Variants in CATSPER3 observed in about 807,000 individuals in gnomAD.
CATSPER3 encodes cation channel sperm associated 3.
CATSPER3 carries 23 observed loss-of-function variants against 36.6 expected under a neutral mutation model. That is an observed-to-expected ratio of 0.63 (90% confidence interval 0.45 to 0.89). CATSPER3 has a LOEUF of 0.89. CATSPER3 is among the 40% of genes least tolerant of loss of function. The pLI is 0.00. For missense variants in CATSPER3, 474 were observed against 503.9 expected (o/e 0.94, Z 0.57); for synonymous variants, 172 against 184.1 (o/e 0.93, Z 0.53).
At chr5:134,977,897 TGAGA>T (rs1204319007) in intron 2 of CATSPER3, among the ~76,000 whole-genome samples, 1 of 152,016 alleles carries the variant, frequency 6.6e-6, no homozygotes, top group African/African-American at 2.4e-5. Flanking sequence ...TGTCACATGG[TGAGA>T]GAGAGAGCAA....
At chr5:134,972,338 A>G (rs1389767482) in intron 2 of CATSPER3, among the ~76,000 whole-genome samples, 3 of 152,334 alleles carry the variant, frequency 2.0e-5, no homozygotes, top group South Asian at 4.1e-4. Context: ...TAACCCGTAG[A>G]TAATGAAAGC....
intron 3 of CATSPER3, 78 bp downstream of exon 3, chr5:134,996,590 T>G (rs1751953246): frequency 6.9e-7 from 1 of 1,447,168 alleles, no homozygotes; most frequent in East Asian, 2.3e-5. Context: ...AAGGAAATAA[T>G]GACTCTACTA....
At chr5:134,992,431 A>G (rs1751889623) in intron 2 of CATSPER3, among the ~76,000 whole-genome samples, 1 of 152,214 alleles carries the variant, frequency 6.6e-6, no homozygotes, top group Non-Finnish European at 1.5e-5. Context: ...TATTAAAAAA[A>G]ACAAAAAATG....
intron 2 of CATSPER3, among the ~76,000 whole-genome samples, chr5:134,988,466 C>A (rs529055962): frequency 6.6e-6 from 1 of 152,374 alleles, no homozygotes; most frequent in African/African-American, 2.4e-5. Flanking sequence ...CTCTCAAACC[C>A]TGCCACTGCT....
rs1340654846 is a variant in CATSPER3, at chr5:134,967,933, T to C, written c.-59T>C. On this transcript the variant is annotated 5_prime_UTR_variant, in exon 1 of 8. Coordinates refer to ENST00000282611, the MANE Select transcript of CATSPER3 (RefSeq NM_178019.3). The stretch of plus-strand genomic sequence containing the variant: ...GAATCCAGACGCTAAGGAAAATCCC[T>C]AAGCAGAGATTTTCTGTTGGATGCT... 6.1e-6 allele frequency: 8 copies of C among 1,315,834 alleles called. No homozygotes were observed. The highest frequency in any genetic ancestry group is 8.8e-6 in the Non-Finnish European group (8 of 909,982). The allele number at this position is 1,315,834 out of a possible 1,614,324, so 81.5% of individuals were successfully genotyped here. A position where few individuals can be genotyped will look rare whatever the true frequency, so the allele number is the denominator to read the frequency against.
intron 2 of CATSPER3, among the ~76,000 whole-genome samples, chr5:134,978,674 C>G (rs1008114977): frequency 6.6e-6 from 1 of 151,304 alleles, no homozygotes; most frequent in African/African-American, 2.4e-5. Context: ...ATAAAACTGT[C>G]TTTGTTCACA....
chr5:134,979,624 G>T (rs1017653419), intron 2 of CATSPER3, among the ~76,000 whole-genome samples: 2 of 152,190 alleles, frequency 1.3e-5, no homozygotes, highest in Non-Finnish European at 2.9e-5. Flanking sequence ...AAAAGTTAAA[G>T]CAAACAACGG....
At chr5:134,983,466 G>A (rs1170277210) in intron 2 of CATSPER3, among the ~76,000 whole-genome samples, 4 of 152,088 alleles carry the variant, frequency 2.6e-5, no homozygotes, top group East Asian at 1.9e-4. Flanking sequence ...ACTCGGTGGC[G>A]GAGGTTGCAG....
rs377443440 is a variant in CATSPER3, at chr5:134,968,107, C to A, written c.98+18C>A. On this transcript the variant is annotated intron_variant, in intron 1 of 7. Coordinates refer to ENST00000282611, the MANE Select transcript of CATSPER3 (RefSeq NM_178019.3). The stretch of plus-strand genomic sequence containing the variant: ...AAATTTAAGTAAATATTATCTATCT[C>A]CATTGCCTGTTAAGAAATGTGCTAG... 11 of 1,526,174 alleles carry A rather than the reference C, an allele frequency of 7.2e-6. No individual in the cohort carries two copies. Among genetic ancestry groups the A allele is most frequent in the East Asian group, 2.2e-5 (1 of 44,464 alleles). The allele number at this position is 1,526,174 out of a possible 1,614,324, so 94.5% of individuals were successfully genotyped here.
chr5:134,980,007 A>C (rs1751730936), intron 2 of CATSPER3, among the ~76,000 whole-genome samples: 1 of 123,976 alleles, frequency 8.1e-6, no homozygotes, highest in African/African-American at 2.7e-5. Context: ...TTTGAGACAA[A>C]GTCTTACTCT....
Position 135,009,363 on chromosome 5 carries a change from C to T in CATSPER3, c.817-8C>T, listed in dbSNP as rs753699833. The T allele has an allele frequency of 6.2e-7, 1 of 1,613,142 alleles. No individual in the cohort carries two copies. ...CCTGTAGTTGACCTCCATCGTCTGA[C>T]TCTCTAGGACTCCATCAGAAAGTTT... is the stretch of plus-strand genomic sequence containing the variant. On this transcript the variant is annotated splice_polypyrimidine_tract_variant and splice_region_variant and intron_variant, in intron 5 of 7. Coordinates refer to ENST00000282611, the MANE Select transcript of CATSPER3 (RefSeq NM_178019.3).
rs185277125 is a variant in CATSPER3, at chr5:134,981,458, C to T, written c.252+11366C>T. ...TTGAGATTGTGCCACTGCACTCTAG[C>T]CTGGGTGACAGAGTGAGACTCTGTC... is the stretch of plus-strand genomic sequence containing the variant. On this transcript the variant is annotated intron_variant, in intron 2 of 7. Coordinates refer to ENST00000282611, the MANE Select transcript of CATSPER3 (RefSeq NM_178019.3). Among the ~76,000 whole-genome samples the T allele has an allele frequency of 5.1e-3, 773 of 152,172 alleles. 5 individuals carry two copies. Among genetic ancestry groups the T allele is most frequent in the African/African-American group, 0.018 (738 of 41,486 alleles).
At chr5:135,003,617 A>G (rs1041571732) in intron 3 of CATSPER3, among the ~76,000 whole-genome samples, 1 of 152,186 alleles carries the variant, frequency 6.6e-6, no homozygotes, top group African/African-American at 2.4e-5. Context: ...TGAGCTTCCC[A>G]GCCGCTTTGT....
At chr5:134,971,283 T>A (rs1427575366) in intron 2 of CATSPER3, among the ~76,000 whole-genome samples, 16 of 150,810 alleles carry the variant, frequency 1.1e-4, no homozygotes, top group Admixed American at 1.1e-3. Context: ...AAGTTGGGCA[T>A]GGTGGTGCAT....
At chr5:134,972,202 C>CATTTTGG (rs1247646451) in intron 2 of CATSPER3, among the ~76,000 whole-genome samples, 1 of 152,170 alleles carries the variant, frequency 6.6e-6, no homozygotes, top group Non-Finnish European at 1.5e-5. Flanking sequence ...CTTACTGGAG[C>CATTTTGG]ATTTTGGATT....
chr5:134,999,185 G>A (rs57253624), intron 3 of CATSPER3, among the ~76,000 whole-genome samples: 1 of 151,378 alleles, frequency 6.6e-6, no homozygotes, highest in African/African-American at 2.5e-5. Context: ...TTTCCCCATT[G>A]CTTGTTTTTC....
At chr5:135,008,741 C>T in intron 4 of CATSPER3, 100 bp from the exon 5 acceptor site, 1 of 1,023,634 alleles carries the variant, frequency 9.8e-7, no homozygotes, top group African/African-American at 1.6e-5. Flanking sequence ...AGCGGAGCCA[C>T]CCTTCTCCTC....
chr5:134,994,229 A>C lies in CATSPER3; in HGVS notation c.253-2044A>C, dbSNP rs373468069. Among the ~76,000 whole-genome samples the C allele has an allele frequency of 2.6e-5, 4 of 152,244 alleles. No individual in the cohort carries two copies. The East Asian group carries it at 5.8e-4, about 22-fold the overall frequency. ...AAAGCATTAGGATTCAAAATGTATAAAGATGTCTTCCTGATCAATAAGAAA... is the reference window on the plus strand; with the variant it reads ...AAAGCATTAGGATTCAAAATGTATACAGATGTCTTCCTGATCAATAAGAAA... On this transcript the variant is annotated intron_variant, in intron 2 of 7. Transcript: ENST00000282611.
intron 2 of CATSPER3, among the ~76,000 whole-genome samples, chr5:134,993,739 C>T (rs936545428): frequency 1.3e-5 from 2 of 152,152 alleles, no homozygotes; most frequent in African/African-American, 4.8e-5. Flanking sequence ...CCTTTAATGG[C>T]TATAAAGCAT....
Sources: allele counts gnomAD v4.1 joint callset (sites outside exome capture counted in the v4.1 genomes callset), GRCh38; gene constraint gnomAD v4.1.1; transcripts MANE v1.5; gene names NCBI Gene and HGNC (gene_info 2026-07-23, HGNC 2026-07-21).